The following LIMS2 variants were observed in gnomAD, a reference collection of about 807,000 sequenced individuals.
LIMS2 encodes the protein LIM and senescent cell antigen-like-containing domain protein 2.
In LIMS2, 30 loss-of-function variants were observed where a neutral mutation model predicts 45.3. The ratio of observed to expected loss-of-function variants is 0.66; its 90% CI spans 0.50 to 0.90. The LOEUF is 0.90. LIMS2 is among the 40% of genes least tolerant of loss of function. The pLI is 0.00. For missense variants in LIMS2, 485 were observed against 468.7 expected (o/e 1.03, Z -0.32); for synonymous variants, 173 against 188.0 (o/e 0.92, Z 0.65).
At position 127,638,970 on chromosome 2, in the gene LIMS2, G is replaced by A; in HGVS notation, c.*311C>T. The A allele has an allele frequency of 2.9e-6, 1 of 345,080 alleles. No individual in the cohort carries two copies. The highest frequency in any genetic ancestry group is 5.4e-6 in the Non-Finnish European group (1 of 186,484). The allele number at this position is 345,080 out of a possible 1,614,324, so 21.4% of individuals were successfully genotyped here. A position where few individuals can be genotyped will look rare whatever the true frequency, so the allele number is the denominator to read the frequency against. ...AGGGCCAGGCCAGGCGGGGAGCTGT[G>A]GTGCAATTTGCTCCTGTCCCTGGAG... On this transcript the variant is annotated 3_prime_UTR_variant, in exon 10 of 10. Transcript: ENST00000355119.
chr2:127,676,662 G>C (rs1024892779), upstream of LIMS2, among the ~76,000 whole-genome samples: 18 of 152,194 alleles, frequency 1.2e-4, no homozygotes, highest in African/African-American at 4.3e-4. Flanking sequence ...CGACTGTCTC[G>C]AGTTATTACT....
chr2:127,646,951 A>G (rs996257899), intron 4 of LIMS2, among the ~76,000 whole-genome samples: 1 of 152,248 alleles, frequency 6.6e-6, no homozygotes, highest in Non-Finnish European at 1.5e-5. Context: ...CAAACCTGAA[A>G]CCAACCAGAA....
chr2:127,639,690 C>T (rs11893958), intron 9 of LIMS2, among the ~76,000 whole-genome samples: 27 of 152,304 alleles, frequency 1.8e-4, no homozygotes, highest in African/African-American at 5.3e-4. Flanking sequence ...GAAACCTGGA[C>T]GCCATCTCTC....
At position 127,663,701 on chromosome 2, in the gene LIMS2, A is replaced by AC. The variant is rs548566185; in HGVS notation, c.12-6140dup. On this transcript the variant is annotated intron_variant, in intron 1 of 9. Coordinates refer to ENST00000355119, the MANE Select transcript of LIMS2 (RefSeq NM_001161403.3). The stretch of plus-strand genomic sequence containing the variant: ...CCTATCTGTCACCTTGATGCCAAGG[A>AC]CCCCAAGGTCACAGCCCTATTGCTC... Among the ~76,000 whole-genome samples the AC allele has an allele frequency of 1.4e-3, 199 of 143,912 alleles. 2 individuals are homozygous for AC. The highest frequency in any genetic ancestry group is 4.5e-3 in the African/African-American group (175 of 38,896). The allele number at this position is 143,912 out of a possible 152,430, so 94.4% of individuals were successfully genotyped here.
chr2:127,664,613 C>A lies in LIMS2; in HGVS notation c.12-7051G>T. 9.0e-7 allele frequency: 1 copy of A among 1,114,464 alleles called. No homozygotes were observed. Among genetic ancestry groups the A allele is most frequent in the Non-Finnish European group, 1.1e-6 (1 of 913,866 alleles). The allele number at this position is 1,114,464 out of a possible 1,614,324, so 69.0% of individuals were successfully genotyped here. A position where few individuals can be genotyped will look rare whatever the true frequency, so the allele number is the denominator to read the frequency against. Reference sequence around the variant, plus strand: ...AAGGATATTGTTCGCGCCGCGGGGGCAGCTCCTGAAAGCTGAGGCTGGCGG... The same window carrying A: ...AAGGATATTGTTCGCGCCGCGGGGGAAGCTCCTGAAAGCTGAGGCTGGCGG... On this transcript the variant is annotated intron_variant, in intron 1 of 9. Transcript: ENST00000355119. This position sits in a 1 kb window ranked among gnomAD's most constrained non-coding sequence, Gnocchi z 5.5.
At chr2:127,649,391 C>T (rs1573786527) in intron 4 of LIMS2, among the ~76,000 whole-genome samples, 1 of 152,234 alleles carries the variant, frequency 6.6e-6, no homozygotes, top group Non-Finnish European at 1.5e-5. Flanking sequence ...TCTCTCCAGC[C>T]TCTGCTTCAG....
Position 127,662,344 on chromosome 2 carries a change from G to A in LIMS2, c.12-4782C>T, listed in dbSNP as rs1684724125. 2.0e-5 allele frequency among the ~76,000 whole-genome samples: 3 copies of A among 152,092 alleles called. No homozygotes were observed. In the South Asian group the frequency reaches 6.2e-4, roughly 32 times the overall value. On this transcript the variant is annotated intron_variant, in intron 1 of 9. Transcript: ENST00000355119. Reference sequence around the variant, plus strand: ...ACCTGCACTGATAGGCACTATTCCAGATGCAGAGGGTTTCGGGGAGGGACC... The same window carrying A: ...ACCTGCACTGATAGGCACTATTCCAAATGCAGAGGGTTTCGGGGAGGGACC...
At chr2:127,640,226 C>A in intron 8 of LIMS2, 44 bp downstream of exon 8, 1 of 1,612,936 alleles carries the variant, frequency 6.2e-7, no homozygotes, top group Non-Finnish European at 8.5e-7. Context: ...GCACCCAGGC[C>A]CCAGGAGAGC....
chr2:127,658,520 G>C (rs1323778322), intron 1 of LIMS2, among the ~76,000 whole-genome samples: 1 of 152,212 alleles, frequency 6.6e-6, no homozygotes, highest in Non-Finnish European at 1.5e-5. Flanking sequence ...TTCTGGGAGG[G>C]GTGAAATGCG....
Position 127,664,293 on chromosome 2 carries a change from C to A in LIMS2, c.12-6731G>T. The A allele has an allele frequency of 8.1e-7, 1 of 1,237,156 alleles. No individual in the cohort carries two copies. The highest frequency in any genetic ancestry group is 3.6e-5 in the South Asian group (1 of 27,718). The allele number at this position is 1,237,156 out of a possible 1,614,324, so 76.6% of individuals were successfully genotyped here. A position where few individuals can be genotyped will look rare whatever the true frequency, so the allele number is the denominator to read the frequency against. On this transcript the variant is annotated intron_variant, in intron 1 of 9. Coordinates refer to ENST00000355119, the MANE Select transcript of LIMS2 (RefSeq NM_001161403.3). The surrounding 1 kb of genome is among the most constrained non-coding windows in gnomAD (Gnocchi z 5.5). Reference sequence around the variant, plus strand: ...CATTGTCCCCGCCACCCGCCCCGCCCCTGGCCACCTACCCCGTGGCTGGCG... The same window carrying A: ...CATTGTCCCCGCCACCCGCCCCGCCACTGGCCACCTACCCCGTGGCTGGCG...
rs1226425274 is a variant in LIMS2, at chr2:127,653,323, G to T, written c.359+1101C>A. On this transcript the variant is annotated intron_variant, in intron 4 of 9. Coordinates refer to ENST00000355119, the MANE Select transcript of LIMS2 (RefSeq NM_001161403.3). This position sits in a 1 kb window ranked among gnomAD's most constrained non-coding sequence, Gnocchi z 5.3. ...GGCGCTGCCTCTCACTGATACAGGG[G>T]ACGCATGCAGAGGCAGCCTTGGTGG... Among the ~76,000 whole-genome samples the T allele has an allele frequency of 6.6e-6, 1 of 152,188 alleles. No homozygotes were observed. The highest frequency in any genetic ancestry group is 2.4e-5 in the African/African-American group (1 of 41,454).
intron 1 of LIMS2, chr2:127,674,711 G>A: frequency 1.0e-6 from 1 of 985,418 alleles, no homozygotes; most frequent in Non-Finnish European, 1.2e-6. Flanking sequence ...GTCTGACCTT[G>A]GACAAGACCC....
intron 4 of LIMS2, 103 bp from the exon 5 acceptor site, chr2:127,643,175 G>T: frequency 7.6e-7 from 1 of 1,319,154 alleles, no homozygotes; most frequent in Non-Finnish European, 1.0e-6. Flanking sequence ...CTGAGCAGCT[G>T]GGGGCTTCAA....
intron 4 of LIMS2, 130 bp from the exon 5 acceptor site, chr2:127,643,202 G>C (rs1281722928): frequency 3.0e-6 from 3 of 1,005,558 alleles, no homozygotes; most frequent in Non-Finnish European, 4.3e-6. Context: ...TCAGCCCAGG[G>C]TATGGGAAAG....
rs1305922177 is a variant in LIMS2, at chr2:127,653,308, C to T, written c.359+1116G>A. On this transcript the variant is annotated intron_variant, in intron 4 of 9. Transcript: ENST00000355119. This position sits in a 1 kb window ranked among gnomAD's most constrained non-coding sequence, Gnocchi z 5.3. ...GGGCCTCTGGGGGTCGGCGCTGCCT[C>T]TCACTGATACAGGGGACGCATGCAG... 6.6e-6 allele frequency among the ~76,000 whole-genome samples: 1 copy of T among 152,150 alleles called. No individual in the cohort carries two copies. The highest frequency in any genetic ancestry group is 2.4e-5 in the African/African-American group (1 of 41,412).
At chr2:127,662,768 A>G (rs550868037) in intron 1 of LIMS2, among the ~76,000 whole-genome samples, 59 of 152,186 alleles carry the variant, frequency 3.9e-4, no homozygotes, top group African/African-American at 1.4e-3. Flanking sequence ...GGTTGTGCAC[A>G]TGTACCCTAA....
At chr2:127,665,580 A>G (rs1474729138) in intron 1 of LIMS2, among the ~76,000 whole-genome samples, 7 of 152,244 alleles carry the variant, frequency 4.6e-5, no homozygotes, top group Non-Finnish European at 1.0e-4. Flanking sequence ...AGGTGGCCCC[A>G]GGGGCTAAAG....
At chr2:127,659,473 C>G (rs979694072) in intron 1 of LIMS2, among the ~76,000 whole-genome samples, 2 of 152,056 alleles carry the variant, frequency 1.3e-5, no homozygotes, top group Non-Finnish European at 2.9e-5. Context: ...GGAGCCTGGC[C>G]GCCCCAAGCC....
At chr2:127,641,449 C>T in intron 6 of LIMS2, 1 of 180,728 alleles carries the variant, frequency 5.5e-6, no homozygotes, top group Non-Finnish European at 1.2e-5. Context: ...TTGCATTCCC[C>T]CAGGGATCTG....
Sources: gnomAD v4.1 joint callset for allele counts (sites outside exome capture counted in the v4.1 genomes callset) on GRCh38, gnomAD v4.1.1 for gene constraint, Gnocchi (gnomAD v3.1) non-coding constraint, MANE v1.5 for transcripts, NCBI Gene and HGNC (gene_info 2026-07-23, HGNC 2026-07-21) for gene names.